C4orf51: variants seen among roughly 807,000 people sequenced by gnomAD.
The protein encoded by C4orf51 is uncharacterized protein C4orf51.
A neutral mutation model predicts 25.2 loss-of-function variants in C4orf51; 25 were observed. The observed-to-expected ratio is 0.99, with a 90% CI of 0.72 to 1.39. The LOEUF is 1.39. Among genes scored for constraint, C4orf51 ranks in the 40% most tolerant of loss-of-function variants. C4orf51 has a pLI of 0.00. For missense variants in C4orf51, 252 were observed against 239.6 expected (o/e 1.05, Z -0.34); for synonymous variants, 100 against 84.5 (o/e 1.18, Z -1.01).
At chr4:145,782,722 A>T in the C4orf51 span, among the ~76,000 whole-genome samples, 1 of 152,200 alleles carries the variant, frequency 6.6e-6, no homozygotes, top group Non-Finnish European at 1.5e-5. Flanking sequence ...CTCAAGGCCA[A>T]ACTTCTGGCT....
intron 1 of C4orf51, among the ~76,000 whole-genome samples, chr4:145,746,688 C>T (rs4129029): frequency 0.19 from 28,716 of 151,906 alleles, 3,729 homozygotes; most frequent in East Asian, 0.67. Context: ...ATAGCTTTGG[C>T]TATTCTGGGT....
chr4:145,744,183 C>T (rs923538655), intron 1 of C4orf51, among the ~76,000 whole-genome samples: 2 of 147,264 alleles, frequency 1.4e-5, no homozygotes, highest in Admixed American at 6.8e-5. Context: ...TCATGGTTAG[C>T]GTGGAGGGGG....
At chr4:145,755,577 T>C (rs1733889509), downstream of C4orf51, among the ~76,000 whole-genome samples, 1 of 151,278 alleles carries the variant, frequency 6.6e-6, no homozygotes, top group South Asian at 2.1e-4. Flanking sequence ...GAAAGAATTA[T>C]GAACAGAAAC....
rs1372452836 is a variant in C4orf51, at chr4:145,738,278, CG to C, written n.167+5660del. The stretch of plus-strand genomic sequence containing the variant: ...CAGCCTGACCAATATGGTGAAACCC[CG>C]TCTCTACTAAAAACACAAAAATTAC... On this transcript the variant is annotated intron_variant and non_coding_transcript_variant, in intron 1 of 1. Coordinates refer to the C4orf51 transcript ENST00000508981. Among the ~76,000 whole-genome samples the C allele has an allele frequency of 2.6e-5, 4 of 152,028 alleles. No individual in the cohort carries two copies. In the East Asian group the frequency reaches 7.8e-4, roughly 30 times the overall value.
chr4:145,727,542 G>A (rs1732129618), intron 3 of C4orf51, among the ~76,000 whole-genome samples: 1 of 151,778 alleles, frequency 6.6e-6, no homozygotes, highest in Non-Finnish European at 1.5e-5. Context: ...ATTTTTAATG[G>A]ATACGTAATA....
intron 1 of C4orf51, among the ~76,000 whole-genome samples, chr4:145,695,101 C>T (rs1729964004): frequency 6.6e-6 from 1 of 152,096 alleles, no homozygotes; most frequent in Non-Finnish European, 1.5e-5. Flanking sequence ...GAGTAAATAC[C>T]CAGTAATGGG....
chr4:145,774,698 G>C (rs763068497), downstream of C4orf51: 12 of 1,606,222 alleles, frequency 7.5e-6, no homozygotes, highest in East Asian at 1.6e-4. Flanking sequence ...AAAGAAAAGA[G>C]GGGGAGAGAA....
rs1398508271 is a variant in C4orf51, at chr4:145,711,587, C to A, written c.307+14955C>A. The stretch of plus-strand genomic sequence containing the variant: ...GATAGTGTTCCCCAAATCCCATAGC[C>A]TTTCCTCATTTCTTTTCATTCATTT... On this transcript the variant is annotated intron_variant, in intron 2 of 5. Coordinates refer to ENST00000438731, the MANE Select transcript of C4orf51 (RefSeq NM_001080531.3). Among the ~76,000 whole-genome samples, 9 of 151,862 alleles carry A rather than the reference C, an allele frequency of 5.9e-5. No individual in the cohort carries two copies. The East Asian group carries it at 1.5e-3, about 26-fold the overall frequency.
At chr4:145,778,472 A>G in the C4orf51 span, among the ~76,000 whole-genome samples, 1 of 152,086 alleles carries the variant, frequency 6.6e-6, no homozygotes, top group Admixed American at 6.5e-5. Flanking sequence ...AGCTGGGCAT[A>G]GTGGCAGCGT....
chr4:145,736,509 G>A (rs1732811105), downstream of C4orf51, among the ~76,000 whole-genome samples: 3 of 152,126 alleles, frequency 2.0e-5, no homozygotes, highest in South Asian at 4.1e-4. Context: ...ATGGCTGGGC[G>A]CAACAGCTGC....
At chr4:145,719,541 ATTGCGC>A (rs1424861985) in intron 2 of C4orf51, among the ~76,000 whole-genome samples, 2 of 140,560 alleles carry the variant, frequency 1.4e-5, no homozygotes, top group African/African-American at 2.7e-5. Flanking sequence ...GGAGGCAGAG[ATTGCGC>A]CACTGCACTC....
chr4:145,761,502 C>G lies in C4orf51; in HGVS notation n.167-9486C>G. Reference sequence around the variant, plus strand: ...GCTCCAGCTGGTTGGCCTTCACCGTCTGGCAGATCCGGCACTTGTACTCCA... The same window carrying G: ...GCTCCAGCTGGTTGGCCTTCACCGTGTGGCAGATCCGGCACTTGTACTCCA... On this transcript the variant is annotated intron_variant and non_coding_transcript_variant, in intron 1 of 1. Coordinates refer to the C4orf51 transcript ENST00000510096. This position sits in a 1 kb window ranked among gnomAD's most constrained non-coding sequence, Gnocchi z 6.8. 2 of 1,289,818 alleles carry G rather than the reference C, an allele frequency of 1.6e-6. No individual in the cohort carries two copies. Among genetic ancestry groups the G allele is most frequent in the Non-Finnish European group, 2.0e-6 (2 of 988,860 alleles). The allele number at this position is 1,289,818 out of a possible 1,614,324, so 79.9% of individuals were successfully genotyped here.
downstream of C4orf51, among the ~76,000 whole-genome samples, chr4:145,757,158 A>G (rs892622932): frequency 2.6e-5 from 4 of 152,184 alleles, no homozygotes; most frequent in African/African-American, 9.6e-5. Context: ...AAGGTGAACT[A>G]TTATTACTTG....
intron 2 of C4orf51, among the ~76,000 whole-genome samples, chr4:145,724,347 T>C (rs767576903): frequency 6.6e-6 from 1 of 152,166 alleles, no homozygotes; most frequent in Non-Finnish European, 1.5e-5. Flanking sequence ...GGGTTTTTCT[T>C]GAATTTAGCT....
the C4orf51 span, among the ~76,000 whole-genome samples, chr4:145,792,016 A>G: frequency 6.6e-6 from 1 of 151,902 alleles, no homozygotes; most frequent in Non-Finnish European, 1.5e-5. Flanking sequence ...CTTTGCAAAA[A>G]CCTCTGCTTT....
intron 1 of C4orf51, among the ~76,000 whole-genome samples, chr4:145,747,170 C>T (rs1733413395): frequency 6.6e-6 from 1 of 152,000 alleles, no homozygotes; most frequent in Admixed American, 6.5e-5. Context: ...TTCTTTCTTT[C>T]CAATTTGGAT....
chr4:145,769,806 G>A (rs1161574534), intron 1 of C4orf51, among the ~76,000 whole-genome samples: 1 of 152,088 alleles, frequency 6.6e-6, no homozygotes, highest in African/African-American at 2.4e-5. Flanking sequence ...CAGCTGAAGA[G>A]AACTTAAAAA....
chr4:145,769,231 T>C (rs894188593), intron 1 of C4orf51, among the ~76,000 whole-genome samples: 2 of 151,280 alleles, frequency 1.3e-5, no homozygotes, highest in African/African-American at 4.9e-5. Flanking sequence ...CAATGGTATA[T>C]GACTTTAGAC....
the C4orf51 span, among the ~76,000 whole-genome samples, chr4:145,782,252 C>G: frequency 6.6e-6 from 1 of 152,180 alleles, no homozygotes; most frequent in South Asian, 2.1e-4. Flanking sequence ...AACATGACCT[C>G]GAAATCACGG....
Sources: gnomAD v4.1 joint callset for allele counts (sites outside exome capture counted in the v4.1 genomes callset) on GRCh38, gnomAD v4.1.1 for gene constraint, Gnocchi (gnomAD v3.1) non-coding constraint, MANE v1.5 for transcripts, NCBI Gene and HGNC (gene_info 2026-07-23, HGNC 2026-07-21) for gene names.